TMEM143: variants seen among roughly 807,000 people sequenced by gnomAD.
TMEM143 encodes transmembrane protein 143.
A neutral mutation model predicts 40.3 loss-of-function variants in TMEM143; 45 were observed. That is an observed-to-expected ratio of 1.12 (90% CI 0.88 to 1.43). The LOEUF (loss-of-function observed/expected upper bound fraction) is 1.43, where lower values mean the gene tolerates loss of function less well. Ranked by LOEUF, TMEM143 falls within the 40% of genes most tolerant of loss-of-function variation. The probability of loss-of-function intolerance (pLI) is 0.00; values close to 1 mark genes in which losing one functional copy is unlikely to be tolerated. For missense variants in TMEM143, 620 were observed against 613.4 expected (o/e 1.01, Z -0.11); for synonymous variants, 299 against 282.7 (o/e 1.06, Z -0.58).
At chr19:48,348,149 T>G (rs940990599) in intron 3 of TMEM143, among the ~76,000 whole-genome samples, 2 of 151,866 alleles carry the variant, frequency 1.3e-5, no homozygotes, top group Non-Finnish European at 2.9e-5. Flanking sequence ...ACTTACAGAG[T>G]GACCTTGAGA....
chr19:48,359,945 T>A, intron 3 of TMEM143, 127 bp downstream of exon 3: 1 of 862,518 alleles, frequency 1.2e-6, no homozygotes, highest in Non-Finnish European at 1.8e-6. Context: ...ACTTCACCTG[T>A]CATGTTCACT....
At chr19:48,354,250 C>T (rs1055323223) in intron 3 of TMEM143, among the ~76,000 whole-genome samples, 25 of 145,688 alleles carry the variant, frequency 1.7e-4, no homozygotes, top group Non-Finnish European at 2.7e-4. Flanking sequence ...TGAGCCACCG[C>T]GCCCAGACTT....
intron 3 of TMEM143, among the ~76,000 whole-genome samples, chr19:48,354,424 C>T (rs1197637786): frequency 6.6e-6 from 1 of 151,836 alleles, no homozygotes; most frequent in South Asian, 2.1e-4. Flanking sequence ...GCCACCACAC[C>T]CAGCTAATTT....
chr19:48,362,869 A>G (rs886715619), intron 2 of TMEM143, among the ~76,000 whole-genome samples: 24 of 152,316 alleles, frequency 1.6e-4, no homozygotes, highest in African/African-American at 5.8e-4. Flanking sequence ...CTTACTGATG[A>G]TTCAACAATA....
intron 3 of TMEM143, among the ~76,000 whole-genome samples, chr19:48,357,356 T>A (rs993091763): frequency 1.8e-4 from 21 of 117,264 alleles, no homozygotes; most frequent in African/African-American, 7.0e-4. Flanking sequence ...TTTCTTTTTT[T>A]TTTTTTTTTT....
chr19:48,363,922 G>C lies in TMEM143; in HGVS notation c.-2C>G. 1 of 1,613,562 alleles carries C rather than the reference G, an allele frequency of 6.2e-7. No individual in the cohort carries two copies. Among genetic ancestry groups the C allele is most frequent in the East Asian group, 2.2e-5 (1 of 44,852 alleles). ...CCTTAGCCAAAGCTCGACTGTCATT[G>C]AGCCTCCTGCGCATGTGCAGGAGGG... On this transcript the variant is annotated 5_prime_UTR_variant, in exon 1 of 8. Coordinates refer to ENST00000293261, the MANE Select transcript of TMEM143 (RefSeq NM_018273.4).
rs1227583606 is a variant in TMEM143, at chr19:48,333,442, G to A, written c.1166-9C>T. 1.9e-6 allele frequency: 3 copies of A among 1,561,228 alleles called. No individual in the cohort carries two copies. Among genetic ancestry groups the A allele is most frequent in the Admixed American group, 1.8e-5 (1 of 54,804 alleles). ...GAGCCACCTGGAGGTCTCTGCAAGG[G>A]GAGAGGCAGGTGTTCTGAGGTCACA... On this transcript the variant is annotated splice_polypyrimidine_tract_variant and intron_variant, in intron 7 of 7. Transcript: ENST00000293261. This position sits in a 1 kb window ranked among gnomAD's most constrained non-coding sequence, Gnocchi z 4.1.
intron 1 of TMEM143, 135 bp from the exon 2 acceptor site, chr19:48,363,666 C>T: frequency 1.4e-6 from 2 of 1,419,054 alleles, no homozygotes; most frequent in Non-Finnish European, 1.9e-6. Flanking sequence ...CTCAAAGCCC[C>T]TGTTGCCTGT....
At chr19:48,346,939 A>G (rs1186400728) in intron 3 of TMEM143, among the ~76,000 whole-genome samples, 1 of 152,126 alleles carries the variant, frequency 6.6e-6, no homozygotes, top group African/African-American at 2.4e-5. Context: ...CTGAGGCTGT[A>G]AACAGCTCCC....
intron 3 of TMEM143, among the ~76,000 whole-genome samples, chr19:48,345,717 C>T (rs1487217381): frequency 1.3e-5 from 2 of 151,786 alleles, no homozygotes; most frequent in Non-Finnish European, 1.5e-5. Flanking sequence ...GCAATATGCC[C>T]GCCTCGGCCT....
intron 6 of TMEM143, among the ~76,000 whole-genome samples, chr19:48,342,066 C>A: frequency 1.1e-5 from 1 of 90,752 alleles, no homozygotes; most frequent in African/African-American, 4.4e-5. Flanking sequence ...GAGGAGAGGG[C>A]AAGAAGGGAG....
At chr19:48,339,830 G>A (rs1328564419) in intron 6 of TMEM143, among the ~76,000 whole-genome samples, 4 of 152,216 alleles carry the variant, frequency 2.6e-5, no homozygotes. Flanking sequence ...CCGAGTTCAA[G>A]TGATTCTCCT....
In TMEM143 at chr19:48,342,533, G is replaced by A; in HGVS notation, c.972C>T (p.Ser324=). The change falls in exon 6 of 8, where the codon TCC becomes TCT. Residue 324 remains serine (S), a synonymous_variant. Coordinates refer to ENST00000293261, the MANE Select transcript of TMEM143 (RefSeq NM_018273.4). ...GGCGTGGCAGGCGCATGCTCACCTT[G>A]GAGGCCCGCAGGCCCATGAAGATGG... The part of the protein sequence containing the change: ...LFAIFMGLRA[S]KMFGQRRSAQ... The A allele has an allele frequency of 1.2e-6, 2 of 1,605,126 alleles. No homozygotes were observed. Among genetic ancestry groups the A allele is most frequent in the East Asian group, 4.5e-5 (2 of 44,498 alleles).
At chr19:48,348,583 T>G (rs1969697849) in intron 3 of TMEM143, among the ~76,000 whole-genome samples, 1 of 152,188 alleles carries the variant, frequency 6.6e-6, no homozygotes, top group Non-Finnish European at 1.5e-5. Context: ...TGGTGCACAT[T>G]TACATAGCAC....
intron 1 of TMEM143, 165 bp downstream of exon 1, chr19:48,363,733 G>A: frequency 7.2e-7 from 1 of 1,389,792 alleles, no homozygotes. Flanking sequence ...GAGGTCTTAG[G>A]TTCTGGGGCG....
Position 48,333,318 on chromosome 19 carries a change from G to A in TMEM143, c.1281C>T (p.Ser427=). The change falls in exon 8 of 8, where the codon AGC becomes AGT. Residue 427 remains serine, a synonymous_variant. Transcript: ENST00000293261. This position sits in a 1 kb window ranked among gnomAD's most constrained non-coding sequence, Gnocchi z 4.1. ...ALAHLQALTP[S]MGLYPPPGFP... ...AACCCGGGGGTGGGTACAATCCCAT[G>A]CTGGGGGTCAGGGCCTGCAGATGCG... 1 of 1,607,724 alleles carries A rather than the reference G, an allele frequency of 6.2e-7. No homozygotes were observed. The highest frequency in any genetic ancestry group is 1.1e-5 in the South Asian group (1 of 90,538).
rs1969265227 is a variant in TMEM143 at position 48,333,422 on chromosome 19, A to C, written c.1177T>G (p.Trp393Gly). The stretch of plus-strand genomic sequence containing the variant: ...CAGTTCTCCACCTCCGACCGGAGCC[A>C]CCTGGAGGTCTCTGCAAGGGGAGAG... Reference protein sequence around the residue: ...TQGSPEETSRWLRSEVENWLL... With the variant: ...TQGSPEETSRGLRSEVENWLL... Residue 393 changes from tryptophan to glycine, a missense_variant, in exon 8 of 8, where the codon TGG becomes GGG. Trp to Gly is a radical substitution (Grantham distance 184). Coordinates refer to ENST00000293261, the MANE Select transcript of TMEM143 (RefSeq NM_018273.4). This position sits in a 1 kb window ranked among gnomAD's most constrained non-coding sequence, Gnocchi z 4.1. 3 of 1,588,172 alleles carry C rather than the reference A, an allele frequency of 1.9e-6. No individual in the cohort carries two copies. Among genetic ancestry groups the C allele is most frequent in the Non-Finnish European group, 2.6e-6 (3 of 1,164,290 alleles).
chr19:48,335,957 C>A (rs1437289392), intron 6 of TMEM143, among the ~76,000 whole-genome samples: 1 of 152,090 alleles, frequency 6.6e-6, no homozygotes, highest in African/African-American at 2.4e-5. Flanking sequence ...GGGGGAAGAA[C>A]AGGTCTGGGC....
Position 48,343,313 on chromosome 19 carries a change from C to T in TMEM143, c.695+8G>A, listed in dbSNP as rs765474911. ...CTTGCTGCAGCTGGGGAACAAGGGCCGCCTCACCTCTCCGCAGGGGGCAGC... is the reference window on the plus strand; with the variant it reads ...CTTGCTGCAGCTGGGGAACAAGGGCTGCCTCACCTCTCCGCAGGGGGCAGC... On this transcript the variant is annotated splice_region_variant and intron_variant, in intron 5 of 7. Transcript: ENST00000293261. The T allele has an allele frequency of 6.1e-5, 98 of 1,608,996 alleles. No individual in the cohort carries two copies. The Middle Eastern group carries it at 2.2e-3, about 36-fold the overall frequency.
Sources: allele counts gnomAD v4.1 joint callset (sites outside exome capture counted in the v4.1 genomes callset), GRCh38; gene constraint gnomAD v4.1.1; non-coding constraint Gnocchi (gnomAD v3.1); transcripts MANE v1.5; gene names NCBI Gene and HGNC (gene_info 2026-07-23, HGNC 2026-07-21).